The following SUSD4 variants were observed in gnomAD, a reference collection of about 807,000 sequenced individuals.
SUSD4 encodes sushi domain-containing protein 4.
In SUSD4, 41 loss-of-function variants were observed where a neutral mutation model predicts 50.5. The ratio of observed to expected loss-of-function variants is 0.81; its 90% CI spans 0.63 to 1.05. The LOEUF (loss-of-function observed/expected upper bound fraction) is 1.05. Ranked by LOEUF, SUSD4 falls within the 50% of genes least tolerant of loss-of-function variation. The pLI, the probability that SUSD4 is intolerant of heterozygous loss-of-function variation, is 0.00. For synonymous variants in SUSD4, 257 were observed against 257.3 expected (o/e 1.00, Z 0.01); for missense variants, 580 against 634.7 (o/e 0.91, Z 0.93).
chr1:223,329,114 TC>T lies in SUSD4; in HGVS notation c.148+34163del, dbSNP rs1411390050. ...CCAGCATCTCCCCTTCCTCTCCAGC[TC>T]CCTGACCTCTCTGTGGGTAATTCTC... On this transcript the variant is annotated intron_variant, in intron 2 of 8. Coordinates refer to ENST00000366878, the MANE Select transcript of SUSD4 (RefSeq NM_017982.4). Among the ~76,000 whole-genome samples, 3 of 152,058 alleles carry T rather than the reference TC, an allele frequency of 2.0e-5. No individual in the cohort carries two copies. In the East Asian group the frequency reaches 5.8e-4, roughly 29 times the overall value.
upstream of SUSD4, among the ~76,000 whole-genome samples, chr1:223,364,421 T>A (rs1358992651): frequency 1.4e-5 from 2 of 146,606 alleles, no homozygotes; most frequent in African/African-American, 5.0e-5. The surrounding 1 kb of genome is among the most constrained non-coding windows in gnomAD (Gnocchi z 4.5). Flanking sequence ...CACGCGCCTC[T>A]GCCAACCCAG....
chr1:223,293,904 G>A (rs1022483511), intron 2 of SUSD4, among the ~76,000 whole-genome samples: 4 of 152,056 alleles, frequency 2.6e-5, no homozygotes, highest in Non-Finnish European at 5.9e-5. Flanking sequence ...AGATGTTGGG[G>A]TGAGTGAGAG....
At chr1:223,303,730 G>A (rs572000333) in intron 2 of SUSD4, among the ~76,000 whole-genome samples, 6 of 152,294 alleles carry the variant, frequency 3.9e-5, no homozygotes, top group African/African-American at 1.2e-4. Context: ...TAAGTTTAGT[G>A]AGGGCAGGGG....
intron 2 of SUSD4, among the ~76,000 whole-genome samples, chr1:223,351,122 T>A (rs558754265): frequency 6.6e-6 from 1 of 152,366 alleles, no homozygotes; most frequent in South Asian, 2.1e-4. Context: ...AAGAGGAAAC[T>A]GAGGCAGAGG....
At chr1:223,306,432 GA>G (rs1448773307) in intron 2 of SUSD4, among the ~76,000 whole-genome samples, 1 of 152,204 alleles carries the variant, frequency 6.6e-6, no homozygotes. Flanking sequence ...TGGTGGCAGG[GA>G]AGTCTTGCAT....
chr1:223,339,284 G>A (rs1381571861), intron 2 of SUSD4, among the ~76,000 whole-genome samples: 1 of 152,194 alleles, frequency 6.6e-6, no homozygotes, highest in Non-Finnish European at 1.5e-5. Context: ...CCATATTGCT[G>A]TGGGTTGAAC....
intron 2 of SUSD4, chr1:223,359,189 TG>T: frequency 8.5e-6 from 4 of 469,662 alleles, no homozygotes; most frequent in South Asian, 6.2e-5. Flanking sequence ...CACCCTTCAG[TG>T]GGTTCCCCAC....
At chr1:223,292,349 A>C in intron 3 of SUSD4, 90 bp downstream of exon 3, 1 of 1,396,702 alleles carries the variant, frequency 7.2e-7, no homozygotes, top group East Asian at 2.3e-5. Flanking sequence ...AGAAGAGCCC[A>C]GGGTATTGAG....
chr1:223,232,306 G>A (rs1659950786), intron 5 of SUSD4, among the ~76,000 whole-genome samples: 1 of 152,192 alleles, frequency 6.6e-6, no homozygotes, highest in Non-Finnish European at 1.5e-5. Flanking sequence ...TAAGAGAGTA[G>A]ATTTCAGGAA....
At chr1:223,344,279 T>A (rs945210749) in intron 2 of SUSD4, among the ~76,000 whole-genome samples, 1 of 152,142 alleles carries the variant, frequency 6.6e-6, no homozygotes, top group Non-Finnish European at 1.5e-5. Flanking sequence ...GTGTACAAGA[T>A]AAGCAAGATC....
At position 223,229,706 on chromosome 1, in the gene SUSD4, G is replaced by T. The variant is rs748856590; in HGVS notation, c.725-318C>A. On this transcript the variant is annotated intron_variant, in intron 5 of 8. Coordinates refer to ENST00000366878, the MANE Select transcript of SUSD4 (RefSeq NM_017982.4). The surrounding 1 kb of genome is among the most constrained non-coding windows in gnomAD (Gnocchi z 4.7). ...TTAAGCTACTGTATTAATAATGCATGCTATTATGTGCCAGACAACCTAGTA... is the reference window on the plus strand; with the variant it reads ...TTAAGCTACTGTATTAATAATGCATTCTATTATGTGCCAGACAACCTAGTA... Among the ~76,000 whole-genome samples the T allele has an allele frequency of 7.9e-5, 12 of 152,204 alleles. No individual in the cohort carries two copies. The highest frequency in any genetic ancestry group is 1.6e-4 in the Non-Finnish European group (11 of 68,034).
At chr1:223,251,544 T>C (rs1355561176) in intron 5 of SUSD4, among the ~76,000 whole-genome samples, 1 of 152,196 alleles carries the variant, frequency 6.6e-6, no homozygotes, top group Non-Finnish European at 1.5e-5. Flanking sequence ...TATCAACTTG[T>C]GTCCTTATAA....
chr1:223,264,874 A>C, intron 4 of SUSD4, 56 bp from the exon 5 acceptor site: 1 of 1,563,988 alleles, frequency 6.4e-7, no homozygotes, highest in Non-Finnish European at 8.7e-7. Context: ...CTGTACATCG[A>C]AAAGTCACAC....
chr1:223,277,528 T>A (rs990984706), intron 3 of SUSD4, among the ~76,000 whole-genome samples: 1 of 152,068 alleles, frequency 6.6e-6, no homozygotes, highest in African/African-American at 2.4e-5. Flanking sequence ...GGTCCCTGGG[T>A]GTGCCCAGGC....
At chr1:223,340,368 C>T (rs144835994) in intron 2 of SUSD4, among the ~76,000 whole-genome samples, 1 of 152,206 alleles carries the variant, frequency 6.6e-6, no homozygotes, top group Non-Finnish European at 1.5e-5. Flanking sequence ...CTGATAGATA[C>T]AAAAAGATGC....
In SUSD4 at chr1:223,227,445, G is replaced by T; in HGVS notation, c.1061+149C>A. ...GAAAATGAGGTCTGTCTCCAGCTTT[G>T]TGCTCAAAACATCCCAGAACATTGT... On this transcript the variant is annotated intron_variant, in intron 7 of 8. Transcript: ENST00000366878. The surrounding 1 kb of genome is among the most constrained non-coding windows in gnomAD (Gnocchi z 4.5). 1.8e-6 allele frequency: 2 copies of T among 1,088,734 alleles called. No homozygotes were observed. Among genetic ancestry groups the T allele is most frequent in the Non-Finnish European group, 2.6e-6 (2 of 772,522 alleles). 67.4% of individuals were successfully genotyped at this position (1,088,734 alleles called of 1,614,324 possible). A position where few individuals can be genotyped will look rare whatever the true frequency, so the allele number is the denominator to read the frequency against.
intron 5 of SUSD4, 63 bp downstream of exon 5, chr1:223,264,567 A>C: frequency 3.1e-6 from 5 of 1,592,170 alleles, no homozygotes; most frequent in Non-Finnish European, 4.3e-6. Flanking sequence ...TCTTCCTCCT[A>C]CTGATCTTCT....
intron 5 of SUSD4, among the ~76,000 whole-genome samples, chr1:223,242,964 C>T (rs1445291888): frequency 6.6e-6 from 1 of 152,218 alleles, no homozygotes; most frequent in African/African-American, 2.4e-5. Context: ...TACCCTGCTG[C>T]TTCTCTGTCT....
intron 2 of SUSD4, among the ~76,000 whole-genome samples, chr1:223,355,949 C>T (rs1668640979): frequency 6.6e-6 from 1 of 152,166 alleles, no homozygotes; most frequent in African/African-American, 2.4e-5. Flanking sequence ...CTTCTGTCTG[C>T]CTGCAGGCCC....
Sources: allele counts gnomAD v4.1 joint callset (sites outside exome capture counted in the v4.1 genomes callset), GRCh38; gene constraint gnomAD v4.1.1; non-coding constraint Gnocchi (gnomAD v3.1); transcripts MANE v1.5; gene names NCBI Gene and HGNC (gene_info 2026-07-23, HGNC 2026-07-21).